PCSK5: variants seen among roughly 807,000 people sequenced by gnomAD.
PCSK5 encodes prohormone convertase 5.
Under a neutral mutation model 233.2 loss-of-function variants are expected in PCSK5, and 129 were observed. That is an observed-to-expected ratio of 0.55 (90% CI 0.48 to 0.64). The LOEUF (loss-of-function observed/expected upper bound fraction) is 0.64, where lower values mean the gene tolerates loss of function less well. Among genes scored for constraint, PCSK5 ranks in the 30% least tolerant of loss-of-function variants. PCSK5 has a pLI of 0.00. For missense variants in PCSK5, 2,076 were observed against 2,430.1 expected, an observed-to-expected ratio of 0.85 and a Z score of 3.06; for synonymous variants, 825 against 879.2, an observed-to-expected ratio of 0.94 and a Z score of 1.09.
intron 3 of PCSK5, among the ~76,000 whole-genome samples, chr9:75,996,071 C>A (rs1827007439): frequency 6.6e-6 from 1 of 151,864 alleles, no homozygotes; most frequent in Non-Finnish European, 1.5e-5. Context: ...AATAATAGCA[C>A]CTCCTTAAAA....
chr9:76,050,449 G>T (rs1009806369), intron 5 of PCSK5, among the ~76,000 whole-genome samples: 16 of 151,938 alleles, frequency 1.1e-4, no homozygotes, highest in Admixed American at 1.0e-3. Context: ...TAGTCTCTTA[G>T]CATATACACT....
chr9:75,903,589 A>ATATATATTATATATATATATTATATATAT (rs201890432), intron 1 of PCSK5, among the ~76,000 whole-genome samples: 16 of 128,762 alleles, frequency 1.2e-4, no homozygotes, highest in South Asian at 4.5e-4. Flanking sequence ...TATATATATA[A>ATATATATTATATATATATATTATATATAT]AATATATATT....
intron 10 of PCSK5, among the ~76,000 whole-genome samples, chr9:76,146,732 C>T (rs529842036): frequency 6.6e-6 from 1 of 152,018 alleles, no homozygotes; most frequent in Non-Finnish European, 1.5e-5. Context: ...GAAAGAAATA[C>T]TGTATGTCTT....
intron 10 of PCSK5, among the ~76,000 whole-genome samples, chr9:76,136,862 A>G (rs978043883): frequency 1.3e-5 from 2 of 152,090 alleles, no homozygotes; most frequent in African/African-American, 4.8e-5. Context: ...CAAACAACTC[A>G]GTTTTGGAGT....
At chr9:76,349,933 A>T (rs1451714095) in intron 35 of PCSK5, among the ~76,000 whole-genome samples, 2 of 152,120 alleles carry the variant, frequency 1.3e-5, no homozygotes, top group Admixed American at 6.6e-5. Context: ...GCAGATTCAG[A>T]CTTCTTCTAT....
rs78983372 is a variant in PCSK5, at chr9:76,107,961, T to G, written c.1208+610T>G. ...CCTTAACGTTTTGAAAACCTAATAA[T>G]ACAGATCTAATATCTCTTGTCCTCA... On this transcript the variant is annotated intron_variant, in intron 9 of 37. Coordinates refer to ENST00000674117, the MANE Select transcript of PCSK5 (RefSeq NM_001372043.1). Among the ~76,000 whole-genome samples, 123 of 152,334 alleles carry G rather than the reference T, an allele frequency of 8.1e-4. 2 individuals are homozygous for G. The East Asian group carries it at 0.023, about 28-fold the overall frequency.
At chr9:76,187,802 C>A (rs1175833422) in intron 17 of PCSK5, among the ~76,000 whole-genome samples, 1 of 152,068 alleles carries the variant, frequency 6.6e-6, no homozygotes, top group Non-Finnish European at 1.5e-5. Flanking sequence ...TCATTAAATA[C>A]TATCTCATAT....
rs1830348381 is a variant in PCSK5, at chr9:76,068,047, T to C, written c.721+4T>C. On this transcript the variant is annotated splice_donor_region_variant and intron_variant, in intron 6 of 37. Coordinates refer to ENST00000674117, the MANE Select transcript of PCSK5 (RefSeq NM_001372043.1). ...GCTTTCAACGCCAAGATCGGAGGTA[T>C]GGGAAACCAACTCACGTGGATGTAG... is the stretch of plus-strand genomic sequence containing the variant. The C allele has an allele frequency of 1.2e-6, 2 of 1,609,536 alleles. No individual in the cohort carries two copies. The highest frequency in any genetic ancestry group is 1.7e-5 in the Admixed American group (1 of 59,994).
chr9:75,975,440 C>T (rs1424783349), intron 2 of PCSK5, among the ~76,000 whole-genome samples: 2 of 152,102 alleles, frequency 1.3e-5, no homozygotes, highest in Non-Finnish European at 2.9e-5. Flanking sequence ...TAGCAGATCA[C>T]CCTATGTCCT....
chr9:76,240,806 C>A, intron 24 of PCSK5, 122 bp downstream of exon 24: 1 of 692,984 alleles, frequency 1.4e-6, no homozygotes, highest in Non-Finnish European at 2.6e-6. Context: ...GTGACACCAT[C>A]AACGTCTTAA....
chr9:76,358,790 G>GGAT lies in PCSK5; in HGVS notation c.5544_5546dup (p.Asp1849dup). On this transcript the variant is annotated inframe_insertion, in exon 38 of 38. Transcript: ENST00000674117. ...AGTACAGGGATCGGGACTATGATGA[G>GGAT]GATGATGATGATGACATCGTCTACA... The GGAT allele has an allele frequency of 6.2e-7, 1 of 1,612,878 alleles. No homozygotes were observed. The highest frequency in any genetic ancestry group is 8.5e-7 in the Non-Finnish European group (1 of 1,179,882).
In PCSK5 at chr9:76,321,327, C is replaced by G. The variant is rs112936121; in HGVS notation, c.3885-95C>G. On this transcript the variant is annotated intron_variant, in intron 30 of 37. Transcript: ENST00000674117. The stretch of plus-strand genomic sequence containing the variant: ...GCCTCTCAGCTGACGACAGCAGCAG[C>G]CCTTTTGTTTTTAGACCTAATTCCT... 6.1e-5 allele frequency: 42 copies of G among 694,076 alleles called. No homozygotes were observed. In the African/African-American group the frequency reaches 6.3e-4, roughly 10 times the overall value. 43.0% of individuals were successfully genotyped at this position (694,076 alleles called of 1,614,324 possible). A position where few individuals can be genotyped will look rare whatever the true frequency, so the allele number is the denominator to read the frequency against.
At chr9:76,358,455 A>C in intron 37 of PCSK5, 58 bp from the exon 38 acceptor site, 1 of 1,341,486 alleles carries the variant, frequency 7.5e-7, no homozygotes. Context: ...AATTTTCTCT[A>C]TTCTATTTCT....
intron 1 of PCSK5, among the ~76,000 whole-genome samples, chr9:75,921,988 C>G (rs1361417908): frequency 6.6e-6 from 1 of 152,146 alleles, no homozygotes. Context: ...GTTTCAAACT[C>G]ACAGTTGACA....
chr9:76,064,502 G>T (rs572305313), intron 5 of PCSK5, among the ~76,000 whole-genome samples: 4 of 148,660 alleles, frequency 2.7e-5, no homozygotes, highest in African/African-American at 1.0e-4. Context: ...TGGCCGGGCG[G>T]GGGGCTGAAC....
Position 76,082,662 on chromosome 9 carries a change from CA to C in PCSK5, c.894+10766del, listed in dbSNP as rs759761848. On this transcript the variant is annotated intron_variant, in intron 7 of 37. Transcript: ENST00000674117. ...AAGCTAGAGCAGAGTAAACAGCCCA[CA>C]ATAAGAAGACTTACTGTAGCACAAT... Among the ~76,000 whole-genome samples, 8 of 151,546 alleles carry C rather than the reference CA, an allele frequency of 5.3e-5. No individual in the cohort carries two copies. In the East Asian group the frequency reaches 7.8e-4, roughly 15 times the overall value.
intron 6 of PCSK5, among the ~76,000 whole-genome samples, chr9:76,071,448 G>A (rs1195329234): frequency 6.6e-6 from 1 of 152,180 alleles, no homozygotes; most frequent in African/African-American, 2.4e-5. Flanking sequence ...AGAGGGATGA[G>A]AAGGGAGAGA....
chr9:76,005,946 A>G (rs1055036961), intron 3 of PCSK5, among the ~76,000 whole-genome samples: 1 of 151,924 alleles, frequency 6.6e-6, no homozygotes, highest in South Asian at 2.1e-4. Context: ...CCTGGGCTCA[A>G]GTGATCCTCC....
chr9:75,931,616 G>A (rs900082568), intron 1 of PCSK5, among the ~76,000 whole-genome samples: 3 of 152,166 alleles, frequency 2.0e-5, no homozygotes, highest in African/African-American at 4.8e-5. Flanking sequence ...GTTGGTTGAG[G>A]TTTTGCTAGT....
Sources: allele counts gnomAD v4.1 joint callset (sites outside exome capture counted in the v4.1 genomes callset), GRCh38; gene constraint gnomAD v4.1.1; transcripts MANE v1.5; gene names NCBI Gene and HGNC (gene_info 2026-07-23, HGNC 2026-07-21).